INPP5F: variants seen among roughly 807,000 people sequenced by gnomAD.
The protein encoded by INPP5F is inositol polyphosphate-5-phosphatase F.
In INPP5F, 97 loss-of-function variants were observed where a neutral mutation model predicts 137.2. The ratio of observed to expected loss-of-function variants is 0.71; its 90% CI spans 0.60 to 0.84. The LOEUF is 0.84. Ranked by LOEUF, INPP5F falls within the 40% of genes least tolerant of loss-of-function variation. INPP5F has a pLI of 0.00. For synonymous variants in INPP5F, 504 were observed against 476.9 expected (o/e 1.06, Z -0.74); for missense variants, 1,271 against 1,371.9 (o/e 0.93, Z 1.16).
At chr10:119,780,932 G>A (rs1849679645) in intron 2 of INPP5F, among the ~76,000 whole-genome samples, 1 of 152,146 alleles carries the variant, frequency 6.6e-6, no homozygotes, top group South Asian at 2.1e-4. Flanking sequence ...TCCACGGGGG[G>A]TCCTGGAGCC....
intron 1 of INPP5F, among the ~76,000 whole-genome samples, chr10:119,744,697 G>A (rs1243931078): frequency 6.6e-6 from 1 of 152,056 alleles, no homozygotes; most frequent in Non-Finnish European, 1.5e-5. Flanking sequence ...GACTACAGGT[G>A]CGTGCCGCCA....
chr10:119,728,189 G>A (rs1234107460), intron 1 of INPP5F, among the ~76,000 whole-genome samples: 1 of 152,174 alleles, frequency 6.6e-6, no homozygotes, highest in Non-Finnish European at 1.5e-5. Context: ...GAATATAGCG[G>A]GCCACAGACC....
rs61753071 is a variant in INPP5F at position 119,827,765 on chromosome 10, G to A, written c.3384G>A (p.Arg1128=). ...AGATGTTTATACAATGCCAGACACG[G>A]ATAATTCAGATTTAGCTTTTAGCCA... ...LKKMFIQCQT[R]IIQI is the part of the protein sequence containing the mutation. Residue 1128 remains arginine (R), a synonymous_variant, in exon 20 of 20, where the codon CGG becomes CGA. Transcript: ENST00000650623. 41,848 of 1,601,202 alleles carry A rather than the reference G, an allele frequency of 0.026. 679 individuals carry two copies. The highest frequency in any genetic ancestry group is 0.032 in the Non-Finnish European group (37,012 of 1,173,980).
At chr10:119,730,361 C>T (rs949098873) in intron 1 of INPP5F, among the ~76,000 whole-genome samples, 29 of 152,206 alleles carry the variant, frequency 1.9e-4, no homozygotes, top group African/African-American at 6.8e-4. Context: ...CCACCCTCCC[C>T]GGCCTCCCGA....
intron 1 of INPP5F, among the ~76,000 whole-genome samples, chr10:119,738,114 T>C (rs1848267620): frequency 6.6e-6 from 1 of 152,214 alleles, no homozygotes; most frequent in African/African-American, 2.4e-5. Context: ...TACTGCCAAA[T>C]GGATCTGAAA....
intron 2 of INPP5F, among the ~76,000 whole-genome samples, chr10:119,762,480 A>G (rs1409362214): frequency 5.9e-5 from 9 of 152,154 alleles, no homozygotes; most frequent in Admixed American, 2.6e-4. Context: ...TCCCAATACC[A>G]TAATATGGGG....
rs1028068713 is a variant in INPP5F at position 119,756,605 on chromosome 10, C to A, written c.178+5449C>A. ...GAGCCAAGATCGCACCACTGCACTC[C>A]AGCCTGGGCTACAGAGCAAGACTCT... On this transcript the variant is annotated intron_variant, in intron 2 of 19. Coordinates refer to ENST00000650623, the MANE Select transcript of INPP5F (RefSeq NM_014937.4). 2.6e-5 allele frequency among the ~76,000 whole-genome samples: 4 copies of A among 152,162 alleles called. No individual in the cohort carries two copies. The South Asian group carries it at 8.3e-4, about 32-fold the overall frequency.
At chr10:119,789,747 T>C (rs1421092838) in intron 3 of INPP5F, among the ~76,000 whole-genome samples, 3 of 151,468 alleles carry the variant, frequency 2.0e-5, no homozygotes, top group African/African-American at 7.3e-5. Context: ...ATAAGGACAG[T>C]ATTGGAATCC....
intron 2 of INPP5F, among the ~76,000 whole-genome samples, chr10:119,776,538 A>G (rs753628324): frequency 3.3e-5 from 5 of 152,148 alleles, no homozygotes; most frequent in African/African-American, 7.2e-5. Flanking sequence ...GAAAGATACT[A>G]TATTTGATAA....
intron 2 of INPP5F, among the ~76,000 whole-genome samples, chr10:119,771,872 ATATATATATATTTTTTTTTTTTT>A (rs1392996277): frequency 5.5e-4 from 10 of 18,282 alleles, no homozygotes; most frequent in South Asian, 3.3e-3. Flanking sequence ...ATATATATAT[ATATATATATATTTTTTTTTTTTT>A]TTTTTTTTTT....
intron 3 of INPP5F, among the ~76,000 whole-genome samples, chr10:119,788,874 A>G (rs1214076099): frequency 6.6e-6 from 1 of 152,224 alleles, no homozygotes; most frequent in Non-Finnish European, 1.5e-5. Context: ...TACTTGAAAT[A>G]GCGGACCTTT....
At position 119,785,059 on chromosome 10, in the gene INPP5F, G is replaced by A. The variant is rs77038683; in HGVS notation, c.315+3288G>A. Among the ~76,000 whole-genome samples, 605 of 152,210 alleles carry A rather than the reference G, an allele frequency of 4.0e-3. 5 individuals carry two copies. Among genetic ancestry groups the A allele is most frequent in the African/African-American group, 0.014 (573 of 41,516 alleles). On this transcript the variant is annotated intron_variant, in intron 3 of 19. Coordinates refer to ENST00000650623, the MANE Select transcript of INPP5F (RefSeq NM_014937.4). ...AGTACTTTATTCTTTTTTATTGCCAGATAATCCCTTGTATGGGTATGTCAT... is the reference window on the plus strand; with the variant it reads ...AGTACTTTATTCTTTTTTATTGCCAAATAATCCCTTGTATGGGTATGTCAT...
chr10:119,819,299 G>A (rs2134286804), intron 15 of INPP5F: 1 of 383,748 alleles, frequency 2.6e-6, no homozygotes. Flanking sequence ...TAAGACTTCA[G>A]TAAAATTGGG....
chr10:119,730,808 A>G (rs1037342265), intron 1 of INPP5F, among the ~76,000 whole-genome samples: 5 of 142,678 alleles, frequency 3.5e-5, no homozygotes, highest in African/African-American at 1.3e-4. Flanking sequence ...TTTTTTTTTG[A>G]GATTGAGTCT....
rs1292320883 is a variant in INPP5F at position 119,827,501 on chromosome 10, C to G, written c.3120C>G (p.Pro1040=). ...ATTCAGTTGCATCTCAAAAAACCCC[C>G]ACCTCCGCTTCCAGCATGCTTGAAC... ...PAHSVASQKT[P]TSASSMLELE... is the part of the protein sequence containing the mutation. The change falls in exon 20 of 20, where the codon CCC becomes CCG. Residue 1040 remains proline, a synonymous_variant. Coordinates refer to ENST00000650623, the MANE Select transcript of INPP5F (RefSeq NM_014937.4). 6.2e-7 allele frequency: 1 copy of G among 1,614,208 alleles called. No individual in the cohort carries two copies. The highest frequency in any genetic ancestry group is 1.1e-5 in the South Asian group (1 of 91,084).
chr10:119,783,853 G>A (rs1438754303), intron 3 of INPP5F, among the ~76,000 whole-genome samples: 1 of 152,176 alleles, frequency 6.6e-6, no homozygotes, highest in African/African-American at 2.4e-5. Flanking sequence ...CAGCGAGATC[G>A]TGGTTCACGT....
intron 2 of INPP5F, among the ~76,000 whole-genome samples, chr10:119,757,131 G>A (rs1848872884): frequency 6.6e-6 from 1 of 152,068 alleles, no homozygotes. Flanking sequence ...CTGGAGTGCA[G>A]TGGCACAATC....
At chr10:119,792,732 A>T (rs1850192032) in intron 6 of INPP5F, among the ~76,000 whole-genome samples, 1 of 151,916 alleles carries the variant, frequency 6.6e-6, no homozygotes. Flanking sequence ...TTTGATGATT[A>T]TTTTTTTCCT....
intron 9 of INPP5F, among the ~76,000 whole-genome samples, chr10:119,800,617 AAG>A (rs1850554292): frequency 6.6e-6 from 1 of 152,002 alleles, no homozygotes; most frequent in African/African-American, 2.4e-5. Context: ...TACAACCCAA[AAG>A]AGAGCTGGAC....
Sources: gnomAD v4.1 joint callset for allele counts (sites outside exome capture counted in the v4.1 genomes callset) on GRCh38, gnomAD v4.1.1 for gene constraint, MANE v1.5 for transcripts, NCBI Gene and HGNC (gene_info 2026-07-23, HGNC 2026-07-21) for gene names.